The following PIGO variants were observed in gnomAD, a reference collection of about 807,000 sequenced individuals.
The protein encoded by PIGO is GPI ethanolamine phosphate transferase 3, catalytic subunit.
In PIGO, 66 loss-of-function variants were observed where a neutral mutation model predicts 86.9. The observed-to-expected ratio is 0.76, with a 90% CI of 0.62 to 0.93. The LOEUF (loss-of-function observed/expected upper bound fraction) is 0.93, where lower values mean the gene tolerates loss of function less well. PIGO is among the 40% of genes least tolerant of loss of function. PIGO has a pLI of 0.00. For missense variants in PIGO, 1,202 were observed against 1,359.1 expected (o/e 0.88, Z 1.82); for synonymous variants, 570 against 556.4 (o/e 1.02, Z -0.34).
chr9:35,095,868 G>A (rs1322097459), intron 1 of PIGO: 8 of 228,162 alleles, frequency 3.5e-5, no homozygotes, highest in Non-Finnish European at 3.5e-5. Flanking sequence ...ACAAAAATGG[G>A]TGGCGGGCAC....
At position 35,090,121 on chromosome 9, in the gene PIGO, A is replaced by G. The variant is rs1829344388; in HGVS notation, c.3014T>C (p.Phe1005Ser). 1 of 1,614,114 alleles carries G rather than the reference A, an allele frequency of 6.2e-7. No individual in the cohort carries two copies. Among genetic ancestry groups the G allele is most frequent in the African/African-American group, 1.3e-5 (1 of 74,924 alleles). ...GCCCAGCTGCAGCAGTGCTGCATAG[A>G]AGTGCTGAGGCGCATCCCGGAGCCG... ...EMRLRDAPQH[F>S]YAALLQLGLK... is the part of the protein sequence containing the mutation. Residue 1005 changes from phenylalanine to serine, a missense_variant, in exon 9 of 11, where the codon TTC becomes TCC. Coordinates refer to ENST00000378617, the MANE Select transcript of PIGO (RefSeq NM_032634.4).
rs760142386 is a variant in PIGO at position 35,093,544 on chromosome 9, C to T, written c.816G>A (p.Leu272=). ...LVERLENDTL[L]VVAGDHGMTT... is the part of the protein sequence containing the mutation. ...TCATCCCATGGTCCCCAGCCACTAC[C>T]AGCAGTGTGTCATTCTCCAGACGCT... The change falls in exon 5 of 11, where the codon CTG becomes CTA. Residue 272 remains leucine (L), a synonymous_variant. Coordinates refer to ENST00000378617, the MANE Select transcript of PIGO (RefSeq NM_032634.4). 5.0e-6 allele frequency: 8 copies of T among 1,613,844 alleles called. No individual in the cohort carries two copies. The African/African-American group carries it at 9.3e-5, about 19-fold the overall frequency.
At position 35,095,252 on chromosome 9, in the gene PIGO, C is replaced by G; in HGVS notation, c.314G>C (p.Ser105Thr). 6.2e-7 allele frequency: 1 copy of G among 1,614,156 alleles called. No homozygotes were observed. The highest frequency in any genetic ancestry group is 2.2e-5 in the East Asian group (1 of 44,878). ...PVSLPFLGKL[S>T]SLQRILEIQP... Reference sequence around the variant, plus strand: ...AATCTCCAGGATCCTCTGCAAGGAGCTTAGTTTGCCCAGGAAGGGTAGGGA... The same window carrying G: ...AATCTCCAGGATCCTCTGCAAGGAGGTTAGTTTGCCCAGGAAGGGTAGGGA... The change falls in exon 2 of 11, where the codon AGC (serine) becomes ACC (threonine). Residue 105 changes from serine (S) to threonine (T), a missense_variant. Transcript: ENST00000378617.
At chr9:35,089,591 C>A in intron 9 of PIGO, 141 bp from the exon 10 acceptor site, 1 of 1,486,498 alleles carries the variant, frequency 6.7e-7, no homozygotes. Flanking sequence ...ATGTCCTGGG[C>A]TAGGAGTTAG....
chr9:35,093,792 A>G (rs1183418331), intron 4 of PIGO, 109 bp downstream of exon 4: 1 of 1,514,928 alleles, frequency 6.6e-7, no homozygotes, highest in African/African-American at 1.4e-5. Context: ...TAGCTTCAGC[A>G]GAAGGCCTAG....
intron 2 of PIGO, 62 bp downstream of exon 2, chr9:35,094,993 G>A (rs758517575): frequency 1.3e-6 from 2 of 1,531,602 alleles, no homozygotes; most frequent in Non-Finnish European, 1.8e-6. Flanking sequence ...CTGACTCCCT[G>A]ACTTCAAATT....
Position 35,095,247 on chromosome 9 carries a change from A to G in PIGO, c.319T>C (p.Leu107=). Residue 107 remains leucine (L), a synonymous_variant, in exon 2 of 11, where the codon TTG becomes CTG. Coordinates refer to ENST00000378617, the MANE Select transcript of PIGO (RefSeq NM_032634.4). The part of the protein sequence containing the change: ...SLPFLGKLSS[L]QRILEIQPHH... ...GGCTGAATCTCCAGGATCCTCTGCA[A>G]GGAGCTTAGTTTGCCCAGGAAGGGT... 1 of 1,614,162 alleles carries G rather than the reference A, an allele frequency of 6.2e-7. No individual in the cohort carries two copies. The highest frequency in any genetic ancestry group is 8.5e-7 in the Non-Finnish European group (1 of 1,180,004).
intron 5 of PIGO, 65 bp downstream of exon 5, chr9:35,093,356 G>A (rs759090045): frequency 6.2e-7 from 1 of 1,605,750 alleles, no homozygotes; most frequent in Non-Finnish European, 8.5e-7. Flanking sequence ...GTATTCATGA[G>A]GATGCTGTAA....
chr9:35,091,139 T>C lies in PIGO; in HGVS notation c.2647+101A>G, dbSNP rs1457952210. 1.3e-5 allele frequency: 17 copies of C among 1,339,612 alleles called. No individual in the cohort carries two copies. In the East Asian group the frequency reaches 3.7e-4, roughly 29 times the overall value. 83.0% of individuals were successfully genotyped at this position (1,339,612 alleles called of 1,614,324 possible). A position where few individuals can be genotyped will look rare whatever the true frequency, so the allele number is the denominator to read the frequency against. ...TAGTTGTGTGGGGCATGGGACCCTC[T>C]GTCAAGCTCAGGAACATGAGGAGCA... On this transcript the variant is annotated intron_variant, in intron 7 of 10. Coordinates refer to ENST00000378617, the MANE Select transcript of PIGO (RefSeq NM_032634.4).
At chr9:35,089,943 G>C in intron 9 of PIGO, 123 bp downstream of exon 9, 1 of 1,461,810 alleles carries the variant, frequency 6.8e-7, no homozygotes, top group Non-Finnish European at 9.1e-7. Flanking sequence ...ACTGGGCTTG[G>C]GCAACCACTT....
At position 35,092,654 on chromosome 9, in the gene PIGO, G is replaced by A. The variant is rs776689625; in HGVS notation, c.1233C>T (p.Leu411=). 1.9e-6 allele frequency: 3 copies of A among 1,614,112 alleles called. No individual in the cohort carries two copies. The highest frequency in any genetic ancestry group is 1.3e-5 in the African/African-American group (1 of 74,952). The stretch of plus-strand genomic sequence containing the variant: ...TCGCCTCAGCCCCCTTGGGGCTCTG[G>A]AGAAGCCACTGGTAGTCAGCAGAGG... The part of the protein sequence containing the change: ...SKASADYQWL[L]QSPKGAEATL... Residue 411 remains leucine (L), a synonymous_variant, in exon 7 of 11, where the codon CTC becomes CTT. Coordinates refer to ENST00000378617, the MANE Select transcript of PIGO (RefSeq NM_032634.4).
chr9:35,095,013 T>A (rs769951892), intron 2 of PIGO, 42 bp downstream of exon 2: 1 of 1,533,622 alleles, frequency 6.5e-7, no homozygotes, highest in Non-Finnish European at 8.8e-7. Context: ...TTTGAAGAAA[T>A]TTGCCAAGGT....
rs118002220 is a variant in PIGO at position 35,094,209 on chromosome 9, T to C, written c.655+7A>G. Reference sequence around the variant, plus strand: ...CTTAGAACTAAGTGCTCTGGCCCCATGCTCACTGGTGGGGTAGAGGTGTTC... The same window carrying C: ...CTTAGAACTAAGTGCTCTGGCCCCACGCTCACTGGTGGGGTAGAGGTGTTC... On this transcript the variant is annotated splice_region_variant and intron_variant, in intron 3 of 10. Coordinates refer to ENST00000378617, the MANE Select transcript of PIGO (RefSeq NM_032634.4). The C allele has an allele frequency of 1.3e-6, 2 of 1,588,178 alleles. No individual in the cohort carries two copies. The highest frequency in any genetic ancestry group is 2.7e-5 in the African/African-American group (2 of 72,894).
chr9:35,090,679 G>A lies in PIGO; in HGVS notation c.2648-7C>T, dbSNP rs777468163. Reference sequence around the variant, plus strand: ...CATGGCACAGTAAAAGGACCTGGAAGAAAAGATATGCCACGTTACAGTCAC... The same window carrying A: ...CATGGCACAGTAAAAGGACCTGGAAAAAAAGATATGCCACGTTACAGTCAC... On this transcript the variant is annotated splice_polypyrimidine_tract_variant and splice_region_variant and intron_variant, in intron 7 of 10. Coordinates refer to ENST00000378617, the MANE Select transcript of PIGO (RefSeq NM_032634.4). The A allele has an allele frequency of 4.3e-6, 7 of 1,613,084 alleles. No individual in the cohort carries two copies. Among genetic ancestry groups the A allele is most frequent in the African/African-American group, 2.7e-5 (2 of 74,912 alleles).
rs1335753942 is a variant in PIGO at position 35,091,454 on chromosome 9, C to A, written c.2433G>T (p.Arg811=). 12 of 1,614,198 alleles carry A rather than the reference C, an allele frequency of 7.4e-6. No individual in the cohort carries two copies. The highest frequency in any genetic ancestry group is 1.0e-5 in the Non-Finnish European group (12 of 1,180,028). ...YRHMQEEFRG[R]LERTKSQGPL... ...GACCCTGAGATTTGGTCCTCTCTAA[C>A]CGGCCCCGGAACTCCTCCTGCATGT... is the stretch of plus-strand genomic sequence containing the variant. Residue 811 remains arginine (R), a synonymous_variant, in exon 7 of 11, where the codon CGG becomes CGT. Transcript: ENST00000378617.
At position 35,089,237 on chromosome 9, in the gene PIGO, G is replaced by A; in HGVS notation, c.3141-16C>T. The A allele has an allele frequency of 2.5e-6, 4 of 1,614,196 alleles. No individual in the cohort carries two copies. Among genetic ancestry groups the A allele is most frequent in the Non-Finnish European group, 3.4e-6 (4 of 1,180,032 alleles). On this transcript the variant is annotated splice_polypyrimidine_tract_variant and intron_variant, in intron 10 of 10. Transcript: ENST00000378617. Reference sequence around the variant, plus strand: ...AAATATGAACCTGCAAAGAAAGGCGGAGAATCTCAGGCAACAGAGTAGGTC... The same window carrying A: ...AAATATGAACCTGCAAAGAAAGGCGAAGAATCTCAGGCAACAGAGTAGGTC...
rs1829337961 is a variant in PIGO, at chr9:35,089,997, A to G, written c.3069+69T>C. The G allele has an allele frequency of 2.5e-5, 38 of 1,543,524 alleles. No individual in the cohort carries two copies. The South Asian group carries it at 4.5e-4, about 18-fold the overall frequency. Reference sequence around the variant, plus strand: ...TCAAGGCTCTCTCCCACGGTTTTGAAGGTCTGAAAGAAAGTGATGCACACA... The same window carrying G: ...TCAAGGCTCTCTCCCACGGTTTTGAGGGTCTGAAAGAAAGTGATGCACACA... On this transcript the variant is annotated intron_variant, in intron 9 of 10. Transcript: ENST00000378617.
chr9:35,093,577 TC>T lies in PIGO; in HGVS notation c.782del (p.Gly261AspfsTer13), dbSNP rs1481690905. 1 of 1,603,842 alleles carries T rather than the reference TC, an allele frequency of 6.2e-7. No homozygotes were observed. Among genetic ancestry groups the T allele is most frequent in the South Asian group, 1.1e-5 (1 of 89,658 alleles). On this transcript the variant is annotated frameshift_variant and splice_region_variant, in exon 5 of 11. Coordinates refer to ENST00000378617, the MANE Select transcript of PIGO (RefSeq NM_032634.4). LOFTEE classifies it high-confidence loss of function. ...KLSQMDQVIQ[G>X]LVERLENDTL... ...TGTCATTCTCCAGACGCTCCACAAGTCCCCTGGGGGCCAATAAATGTGTCAG... is the reference window on the plus strand; with the variant it reads ...TGTCATTCTCCAGACGCTCCACAAGTCCCTGGGGGCCAATAAATGTGTCAG...
At chr9:35,095,594 T>C (rs757839034) in intron 1 of PIGO, 28 bp from the exon 2 acceptor site, 2 of 1,501,236 alleles carry the variant, frequency 1.3e-6, no homozygotes, top group Non-Finnish European at 1.8e-6. Flanking sequence ...GTAAATTCAT[T>C]ACTGTGGGGC....
Sources: allele counts gnomAD v4.1 joint callset, GRCh38; gene constraint gnomAD v4.1.1; transcripts MANE v1.5; gene names NCBI Gene and HGNC (gene_info 2026-07-23, HGNC 2026-07-21).